The following ZFAND1 variants were observed in gnomAD, a reference collection of about 807,000 sequenced individuals.
The protein encoded by ZFAND1 is zinc finger AN1-type containing 1, also known as AN1-type zinc finger protein 1.
In ZFAND1, 40 loss-of-function variants were observed where a neutral mutation model predicts 38.5. The ratio of observed to expected loss-of-function variants is 1.04; its 90% CI spans 0.81 to 1.35. ZFAND1 has a LOEUF of 1.35. Ranked by LOEUF, ZFAND1 falls within the 40% of genes most tolerant of loss-of-function variation. The pLI, the probability that ZFAND1 is intolerant of heterozygous loss-of-function variation, is 0.00. For missense variants in ZFAND1, 346 were observed against 316.3 expected (o/e 1.09, Z -0.71); for synonymous variants, 117 against 103.6 (o/e 1.13, Z -0.78).
chr8:81,706,709 A>C lies in ZFAND1; in HGVS notation c.481-3585T>G, dbSNP rs73694710. On this transcript the variant is annotated intron_variant, in intron 6 of 7. Transcript: ENST00000220669. The stretch of plus-strand genomic sequence containing the variant: ...AAGCTATTCTTATTTGTTAATGAGG[A>C]ATAATTTTTAACTAGAAAATTAAAA... Among the ~76,000 whole-genome samples, 305 of 152,150 alleles carry C rather than the reference A, an allele frequency of 2.0e-3. 2 individuals are homozygous for C. Among genetic ancestry groups the C allele is most frequent in the Admixed American group, 0.015 (228 of 15,288 alleles).
intron 6 of ZFAND1, among the ~76,000 whole-genome samples, chr8:81,707,748 A>G (rs1333023067): frequency 1.3e-5 from 2 of 152,232 alleles, no homozygotes; most frequent in Non-Finnish European, 2.9e-5. Flanking sequence ...AGTAGACTGT[A>G]ACAGAAAATT....
At chr8:81,713,367 C>A (rs754603969) in intron 6 of ZFAND1, among the ~76,000 whole-genome samples, 1 of 152,102 alleles carries the variant, frequency 6.6e-6, no homozygotes, top group African/African-American at 2.4e-5. Context: ...TCATGATCCA[C>A]CCATCTTGGC....
chr8:81,708,902 A>G (rs1023367389), intron 6 of ZFAND1: 27 of 664,312 alleles, frequency 4.1e-5, no homozygotes, highest in Non-Finnish European at 5.1e-5. Context: ...CTAGAGCCAC[A>G]AAACTATACT....
chr8:81,702,783 C>T lies in ZFAND1; in HGVS notation c.719G>A (p.Cys240Tyr). 1 of 1,609,036 alleles carries T rather than the reference C, an allele frequency of 6.2e-7. No individual in the cohort carries two copies. Among genetic ancestry groups the T allele is most frequent in the Non-Finnish European group, 8.5e-7 (1 of 1,177,852 alleles). ...TLETWIAKED[C>Y]PLYNGGNIIL... ...TATATTTCCACCATTATATAAAGGA[C>T]AATCCTCCTTAGCAATCCAGGTTTC... The change falls in exon 8 of 8, where the codon TGT (cysteine) becomes TAT (tyrosine). Residue 240 changes from cysteine (C) to tyrosine (Y), a missense_variant. Transcript: ENST00000220669.
chr8:81,711,943 G>A (rs202071500), intron 6 of ZFAND1, among the ~76,000 whole-genome samples: 2 of 135,062 alleles, frequency 1.5e-5, no homozygotes, highest in African/African-American at 6.2e-5. Flanking sequence ...GAATAGAAGA[G>A]AGAAAGCTAC....
chr8:81,715,267 C>T (rs1354535363), intron 3 of ZFAND1, among the ~76,000 whole-genome samples, 153 bp from the exon 4 acceptor site: 2 of 152,178 alleles, frequency 1.3e-5, no homozygotes, highest in Non-Finnish European at 2.9e-5. Context: ...TTTTATGTGA[C>T]AAATGATTAC....
At chr8:81,704,077 G>A (rs1304234599) in intron 6 of ZFAND1, among the ~76,000 whole-genome samples, 4 of 147,698 alleles carry the variant, frequency 2.7e-5, no homozygotes, top group Non-Finnish European at 5.9e-5. Context: ...TTAGACAGAA[G>A]GACTTTTCGG....
At chr8:81,710,574 G>T (rs2130410288) in intron 6 of ZFAND1, among the ~76,000 whole-genome samples, 1 of 151,960 alleles carries the variant, frequency 6.6e-6, no homozygotes, top group East Asian at 1.9e-4. Flanking sequence ...ACAAAAGAGA[G>T]ATACTATCAA....
rs368800903 is a variant in ZFAND1 at position 81,702,882 on chromosome 8, A to C, written c.637-17T>G. The C allele has an allele frequency of 2.0e-5, 32 of 1,576,106 alleles. No homozygotes were observed. The highest frequency in any genetic ancestry group is 2.5e-5 in the Non-Finnish European group (29 of 1,165,686). ...CCTTAATTTCTGTGAAGGGAGAAGTAAGTCATACTGTAATAAATAAACATG... is the reference window on the plus strand; with the variant it reads ...CCTTAATTTCTGTGAAGGGAGAAGTCAGTCATACTGTAATAAATAAACATG... On this transcript the variant is annotated splice_polypyrimidine_tract_variant and intron_variant, in intron 7 of 7. Coordinates refer to ENST00000220669, the MANE Select transcript of ZFAND1 (RefSeq NM_024699.3).
intron 6 of ZFAND1, among the ~76,000 whole-genome samples, chr8:81,712,932 C>T (rs1808180663): frequency 6.6e-6 from 1 of 152,000 alleles, no homozygotes; most frequent in Non-Finnish European, 1.5e-5. Flanking sequence ...CAAATGAGTA[C>T]AATCACTGAC....
rs570381988 is a variant in ZFAND1 at position 81,719,289 on chromosome 8, C to T, written c.56-1065G>A. Among the ~76,000 whole-genome samples, 183 of 140,880 alleles carry T rather than the reference C, an allele frequency of 1.3e-3. 1 individual carries two copies. The highest frequency in any genetic ancestry group is 4.7e-3 in the African/African-American group (177 of 37,506). The allele number at this position is 140,880 out of a possible 152,430, so 92.4% of individuals were successfully genotyped here. A position where few individuals can be genotyped will look rare whatever the true frequency, so the allele number is the denominator to read the frequency against. ...TTTGAAAACAGCCTGGCCAACATGG[C>T]GAAACCCCATCTCTACTGAAAACAC... is the stretch of plus-strand genomic sequence containing the variant. On this transcript the variant is annotated intron_variant, in intron 1 of 7. Transcript: ENST00000220669.
chr8:81,713,187 A>T (rs535349952), intron 6 of ZFAND1, among the ~76,000 whole-genome samples: 2 of 152,170 alleles, frequency 1.3e-5, no homozygotes, highest in Non-Finnish European at 2.9e-5. Flanking sequence ...CAGTGGTGCA[A>T]TCTCAGCTCA....
intron 6 of ZFAND1, among the ~76,000 whole-genome samples, chr8:81,704,609 A>G (rs755682563): frequency 1.3e-5 from 2 of 151,382 alleles, no homozygotes; most frequent in African/African-American, 2.4e-5. Flanking sequence ...CTCTTCACTG[A>G]TTCCGAAAAA....
At chr8:81,705,103 A>G (rs549526593) in intron 6 of ZFAND1, among the ~76,000 whole-genome samples, 2 of 152,296 alleles carry the variant, frequency 1.3e-5, no homozygotes, top group South Asian at 2.1e-4. Context: ...CCACAGGGAG[A>G]TAAGTATAAA....
chr8:81,707,970 C>T (rs1344189200), intron 6 of ZFAND1, among the ~76,000 whole-genome samples: 1 of 152,118 alleles, frequency 6.6e-6, no homozygotes, highest in Admixed American at 6.5e-5. Context: ...CCAAACAAGC[C>T]AGGCGCAGTG....
rs767108997 is a variant in ZFAND1, at chr8:81,715,105, T to C, written c.148A>G (p.Ile50Val). The change falls in exon 4 of 8, where the codon ATC becomes GTC. Residue 50 changes from isoleucine to valine, a missense_variant. Physicochemically the swap from Ile to Val is conservative, Grantham distance 29. Coordinates refer to ENST00000220669, the MANE Select transcript of ZFAND1 (RefSeq NM_024699.3). The part of the protein sequence containing the change: ...ESHGCPEVTV[I>V]NERLKTDQHT... ...TGATCTGTCTTCAGTCTCTCATTGATTACAGTCACCTGAAAATGCAAAAAG... is the reference window on the plus strand; with the variant it reads ...TGATCTGTCTTCAGTCTCTCATTGACTACAGTCACCTGAAAATGCAAAAAG... 2 of 1,613,720 alleles carry C rather than the reference T, an allele frequency of 1.2e-6. No individual in the cohort carries two copies. Among genetic ancestry groups the C allele is most frequent in the East Asian group, 2.2e-5 (1 of 44,862 alleles).
chr8:81,704,233 C>A (rs1229803583), intron 6 of ZFAND1, among the ~76,000 whole-genome samples: 1 of 152,066 alleles, frequency 6.6e-6, no homozygotes, highest in Non-Finnish European at 1.5e-5. Context: ...ATTGTATTTT[C>A]TTGCCTAATT....
rs567608452 is a variant in ZFAND1, at chr8:81,713,879, T to G, written c.480+39A>C. On this transcript the variant is annotated intron_variant, in intron 6 of 7. Coordinates refer to ENST00000220669, the MANE Select transcript of ZFAND1 (RefSeq NM_024699.3). ...GAATACAAAGAGGACTTCAACTATATTTGAAATTTTTGTGTTTTAAAAAAT... is the reference window on the plus strand; with the variant it reads ...GAATACAAAGAGGACTTCAACTATAGTTGAAATTTTTGTGTTTTAAAAAAT... 80 of 1,605,500 alleles carry G rather than the reference T, an allele frequency of 5.0e-5. No homozygotes were observed. In the East Asian group the frequency reaches 1.7e-3, roughly 34 times the overall value.
chr8:81,702,257 T>C lies in ZFAND1; in HGVS notation c.*438A>G, dbSNP rs1232009671. 1 of 152,900 alleles carries C rather than the reference T, an allele frequency of 6.5e-6. No individual in the cohort carries two copies. The highest frequency in any genetic ancestry group is 1.5e-5 in the Non-Finnish European group (1 of 68,584). The allele number at this position is 152,900 out of a possible 1,614,324, so 9.5% of individuals were successfully genotyped here. ...GGCCACATGACTTGCTTAAAGCACG[T>C]ATGATACATGCATCTTTTAAGAGAA... On this transcript the variant is annotated 3_prime_UTR_variant, in exon 8 of 8. Coordinates refer to ENST00000220669, the MANE Select transcript of ZFAND1 (RefSeq NM_024699.3).
Sources: allele counts gnomAD v4.1 joint callset (sites outside exome capture counted in the v4.1 genomes callset), GRCh38; gene constraint gnomAD v4.1.1; transcripts MANE v1.5; gene names NCBI Gene and HGNC (gene_info 2026-07-23, HGNC 2026-07-21).